Variants in ARL6IP5 observed in about 807,000 individuals in gnomAD.
ARL6IP5 encodes PRA1 family protein 3.
ARL6IP5 carries 6 observed loss-of-function variants against 13.0 expected under a neutral mutation model. The ratio of observed to expected loss-of-function variants is 0.46; its 90% CI spans 0.25 to 0.91. The LOEUF is 0.91. Ranked by LOEUF, ARL6IP5 falls within the 40% of genes least tolerant of loss-of-function variation. ARL6IP5 has a pLI of 0.17. For synonymous variants in ARL6IP5, 91 were observed against 91.9 expected, an observed-to-expected ratio of 0.99 and a Z score of 0.06; for missense variants, 208 against 248.8, an observed-to-expected ratio of 0.84 and a Z score of 1.10.
rs1230401757 is a variant in ARL6IP5 at position 69,105,702 on chromosome 3, A to G, written c.*1066A>G. ...CAACCATATGCCTTTATAGCTAGAC[A>G]TTAGAATTATGATAGCATGAGTTTA... is the stretch of plus-strand genomic sequence containing the variant. On this transcript the variant is annotated 3_prime_UTR_variant, in exon 3 of 3. Transcript: ENST00000273258. The G allele has an allele frequency of 6.6e-6, 1 of 152,248 alleles. No homozygotes were observed. The highest frequency in any genetic ancestry group is 1.5e-5 in the Non-Finnish European group (1 of 68,034). The allele number at this position is 152,248 out of a possible 1,614,324, so 9.4% of individuals were successfully genotyped here.
At chr3:69,096,322 T>G (rs138024058) in intron 1 of ARL6IP5, among the ~76,000 whole-genome samples, 167 of 152,326 alleles carry the variant, frequency 1.1e-3, no homozygotes, top group African/African-American at 4.0e-3. Context: ...GCCTGGATTT[T>G]TCATTGTTCC....
intron 1 of ARL6IP5, among the ~76,000 whole-genome samples, chr3:69,091,794 C>A (rs183555569): frequency 6.6e-6 from 1 of 151,770 alleles, no homozygotes; most frequent in African/African-American, 2.4e-5. Context: ...GATTCCTGGC[C>A]CCCTGTCTTA....
intron 1 of ARL6IP5, among the ~76,000 whole-genome samples, chr3:69,098,651 C>A (rs2092294904): frequency 6.6e-6 from 1 of 152,156 alleles, no homozygotes; most frequent in Non-Finnish European, 1.5e-5. Flanking sequence ...TTGGCCCCCA[C>A]AAAGTGCTGG....
At position 69,104,863 on chromosome 3, in the gene ARL6IP5, G is replaced by A. The variant is rs1052084484; in HGVS notation, c.*227G>A. On this transcript the variant is annotated 3_prime_UTR_variant, in exon 3 of 3. Coordinates refer to ENST00000273258, the MANE Select transcript of ARL6IP5 (RefSeq NM_006407.4). The stretch of plus-strand genomic sequence containing the variant: ...CCTCCTATTGTGTCTGAAGTTTCAC[G>A]TGTGTTTATGAAATCTAATGGGAAA... The A allele has an allele frequency of 1.4e-5, 10 of 704,748 alleles. No homozygotes were observed. Among genetic ancestry groups the A allele is most frequent in the African/African-American group, 5.3e-5 (3 of 57,136 alleles). 43.7% of individuals were successfully genotyped at this position (704,748 alleles called of 1,614,324 possible). A position where few individuals can be genotyped will look rare whatever the true frequency, so the allele number is the denominator to read the frequency against.
At chr3:69,094,944 G>A (rs558023548) in intron 1 of ARL6IP5, among the ~76,000 whole-genome samples, 5 of 152,064 alleles carry the variant, frequency 3.3e-5, no homozygotes, top group South Asian at 2.1e-4. Flanking sequence ...ACTGAATCAC[G>A]TTGGGAAGTT....
intron 1 of ARL6IP5, among the ~76,000 whole-genome samples, chr3:69,086,169 A>G (rs1461289671): frequency 1.3e-5 from 2 of 152,206 alleles, no homozygotes; most frequent in Non-Finnish European, 2.9e-5. Context: ...AAGAAGCAGC[A>G]AGCTGGCTTG....
intron 1 of ARL6IP5, chr3:69,089,917 T>G (rs1180831459): frequency 2.2e-6 from 1 of 451,570 alleles, no homozygotes; most frequent in East Asian, 7.0e-5. Context: ...TGCAGGAGGG[T>G]GGAATTGACA....
chr3:69,089,022 C>T (rs2092256863), intron 1 of ARL6IP5, among the ~76,000 whole-genome samples: 1 of 152,190 alleles, frequency 6.6e-6, no homozygotes, highest in Non-Finnish European at 1.5e-5. Flanking sequence ...GCATCTTTCG[C>T]CTGAGAGCTT....
At position 69,102,510 on chromosome 3, in the gene ARL6IP5, T is replaced by C. The variant is rs143715474; in HGVS notation, c.394+454T>C. 7.2e-4 allele frequency among the ~76,000 whole-genome samples: 109 copies of C among 152,306 alleles called. No individual in the cohort carries two copies. The East Asian group carries it at 8.1e-3, about 11-fold the overall frequency. ...CCCAAGCTTGAGTGATCTAGCTTCC[T>C]TGGACTCCCCAAGTGCTGGGATTAC... On this transcript the variant is annotated intron_variant, in intron 2 of 2. Coordinates refer to ENST00000273258, the MANE Select transcript of ARL6IP5 (RefSeq NM_006407.4).
At chr3:69,104,200 G>A (rs570421500) in intron 2 of ARL6IP5, among the ~76,000 whole-genome samples, 1 of 152,290 alleles carries the variant, frequency 6.6e-6, no homozygotes, top group East Asian at 1.9e-4. Flanking sequence ...AGTGTGTGAA[G>A]GAAAGGGTGT....
rs374641384 is a variant in ARL6IP5 at position 69,104,625 on chromosome 3, G to A, written c.556G>A (p.Val186Met). 21 of 1,613,310 alleles carry A rather than the reference G, an allele frequency of 1.3e-5. No homozygotes were observed. In the African/African-American group the frequency reaches 2.3e-4, roughly 17 times the overall value. ...INRLTDYISK[V>M]KE Reference sequence around the variant, plus strand: ...CAGACTCACTGACTATATCAGCAAAGTGAAGGAATAAACATAACTTACCTG... The same window carrying A: ...CAGACTCACTGACTATATCAGCAAAATGAAGGAATAAACATAACTTACCTG... The change falls in exon 3 of 3, where the codon GTG becomes ATG. Residue 186 changes from valine (V) to methionine (M), a missense_variant. Transcript: ENST00000273258.
At chr3:69,093,480 G>A (rs576483996) in intron 1 of ARL6IP5, among the ~76,000 whole-genome samples, 1 of 152,228 alleles carries the variant, frequency 6.6e-6, no homozygotes, top group South Asian at 2.1e-4. Flanking sequence ...TGTGTCCAAA[G>A]CCCACATTTA....
At chr3:69,086,476 G>T (rs1015228972) in intron 1 of ARL6IP5, among the ~76,000 whole-genome samples, 1 of 152,202 alleles carries the variant, frequency 6.6e-6, no homozygotes, top group African/African-American at 2.4e-5. Flanking sequence ...CCCACATGTG[G>T]GACTCTATAC....
Position 69,104,765 on chromosome 3 carries a change from A to G in ARL6IP5, c.*129A>G, listed in dbSNP as rs568585867. On this transcript the variant is annotated 3_prime_UTR_variant, in exon 3 of 3. Transcript: ENST00000273258. ...CACCCAATTATCTATGGCAGCATGC[A>G]TGTATAGGCCGAACTATTATCAGCT... The G allele has an allele frequency of 7.7e-6, 8 of 1,038,020 alleles. No individual in the cohort carries two copies. In the East Asian group the frequency reaches 1.8e-4, roughly 23 times the overall value. The allele number at this position is 1,038,020 out of a possible 1,614,324, so 64.3% of individuals were successfully genotyped here.
Position 69,084,962 on chromosome 3 carries a change from T to C in ARL6IP5, c.-86T>C, listed in dbSNP as rs923698208. Reference sequence around the variant, plus strand: ...GCAAAGCCGACCGAGACGGAGCCGCTGTCAACTCTCCAACTCAGCTCAGCT... The same window carrying C: ...GCAAAGCCGACCGAGACGGAGCCGCCGTCAACTCTCCAACTCAGCTCAGCT... On this transcript the variant is annotated 5_prime_UTR_variant, in exon 1 of 3. Transcript: ENST00000273258. 77 of 1,524,270 alleles carry C rather than the reference T, an allele frequency of 5.1e-5. 1 individual carries two copies. Among genetic ancestry groups the C allele is most frequent in the Middle Eastern group, 3.5e-4 (2 of 5,700 alleles). The allele number at this position is 1,524,270 out of a possible 1,614,324, so 94.4% of individuals were successfully genotyped here.
chr3:69,094,697 GC>G (rs2092281384), intron 1 of ARL6IP5, among the ~76,000 whole-genome samples: 3 of 152,146 alleles, frequency 2.0e-5, no homozygotes, highest in Non-Finnish European at 4.4e-5. Flanking sequence ...TTTTGGCCTT[GC>G]AGCCTGACAG....
chr3:69,103,144 C>T (rs1179567090), intron 2 of ARL6IP5, among the ~76,000 whole-genome samples: 1 of 152,218 alleles, frequency 6.6e-6, no homozygotes, highest in East Asian at 1.9e-4. Flanking sequence ...TCTGAGCCAA[C>T]AAATTCACAC....
intron 1 of ARL6IP5, among the ~76,000 whole-genome samples, chr3:69,088,158 A>G (rs2092253776): frequency 6.6e-6 from 1 of 152,176 alleles, no homozygotes; most frequent in Non-Finnish European, 1.5e-5. Flanking sequence ...TCTTACTATG[A>G]GTCACAAGGA....
intron 1 of ARL6IP5, among the ~76,000 whole-genome samples, chr3:69,096,292 T>G (rs2092286850): frequency 6.6e-6 from 1 of 152,166 alleles, no homozygotes; most frequent in Admixed American, 6.5e-5. Context: ...GTGAAACAAA[T>G]TTGGAATTGC....
Sources: gnomAD v4.1 joint callset for allele counts (sites outside exome capture counted in the v4.1 genomes callset) on GRCh38, gnomAD v4.1.1 for gene constraint, MANE v1.5 for transcripts, NCBI Gene and HGNC (gene_info 2026-07-23, HGNC 2026-07-21) for gene names.